Variants in SIPA1L1 observed in about 807,000 individuals in gnomAD.
SIPA1L1 encodes signal induced proliferation associated 1 like 1, also known as signal-induced proliferation-associated 1-like protein 1.
Under a neutral mutation model 162.7 loss-of-function variants are expected in SIPA1L1, and 26 were observed. The observed-to-expected ratio is 0.16, with a 90% CI of 0.12 to 0.22. The LOEUF (loss-of-function observed/expected upper bound fraction) is 0.22. Among genes scored for constraint, SIPA1L1 ranks in the 10% least tolerant of loss-of-function variants. The pLI is 1.00. For missense variants in SIPA1L1, 1,874 were observed against 2,241.0 expected (o/e 0.84, Z 3.31); for synonymous variants, 829 against 837.4 (o/e 0.99, Z 0.17).
At chr14:71,349,528 A>G (rs780742083) in intron 2 of SIPA1L1, among the ~76,000 whole-genome samples, 2 of 152,160 alleles carry the variant, frequency 1.3e-5, no homozygotes, top group Non-Finnish European at 2.9e-5. Flanking sequence ...TGTTTTCCCT[A>G]AAGAAAGGAA....
chr14:71,490,043 G>A (rs915806147), intron 2 of SIPA1L1, among the ~76,000 whole-genome samples: 5 of 152,210 alleles, frequency 3.3e-5, no homozygotes, highest in African/African-American at 1.2e-4. Flanking sequence ...AAACAGATAT[G>A]TTAATAGGGT....
In SIPA1L1 at chr14:71,434,781, A is replaced by G. The variant is rs181456886; in HGVS notation, c.-464-77962A>G. 2.2e-3 allele frequency among the ~76,000 whole-genome samples: 330 copies of G among 152,050 alleles called. 1 individual carries two copies. Among genetic ancestry groups the G allele is most frequent in the African/African-American group, 2.5e-3 (105 of 41,470 alleles). On this transcript the variant is annotated intron_variant, in intron 2 of 23. Coordinates refer to ENST00000381232, the MANE Select transcript of SIPA1L1 (RefSeq NM_001386936.1). ...TTTTGTAAAGTCAGAGTCTCTCCCT[A>G]TGTTGTCCAGGCTGGTCTTAAACTC... is the stretch of plus-strand genomic sequence containing the variant.
chr14:71,626,308 G>A (rs1341265427), intron 7 of SIPA1L1, among the ~76,000 whole-genome samples: 2 of 152,114 alleles, frequency 1.3e-5, no homozygotes, highest in African/African-American at 4.8e-5. Flanking sequence ...CTAGACAGTG[G>A]AATCTAGAGG....
In SIPA1L1 at chr14:71,658,427, C is replaced by A; in HGVS notation, c.2088C>A (p.Asn696Lys). 3 of 1,576,408 alleles carry A rather than the reference C, an allele frequency of 1.9e-6. No homozygotes were observed. The highest frequency in any genetic ancestry group is 1.1e-5 in the South Asian group (1 of 90,240). ...CCATGCTGCCATACACACCCAACAACAAACAACAGGTAAGAGATCCTCCTG... is the reference window on the plus strand; with the variant it reads ...CCATGCTGCCATACACACCCAACAAAAAACAACAGGTAAGAGATCCTCCTG... ...VSTMLPYTPN[N>K]KQQLLRKRHI... The change falls in exon 9 of 24, where the codon AAC (asparagine) becomes AAA (lysine). Residue 696 changes from asparagine (N) to lysine (K), a missense_variant. This residue lies in a region of SIPA1L1 where 243 missense variants were observed against 315.0 expected (regional missense o/e 0.77). Coordinates refer to ENST00000381232, the MANE Select transcript of SIPA1L1 (RefSeq NM_001386936.1).
At chr14:71,335,161 G>A (rs1476107536) in intron 2 of SIPA1L1, among the ~76,000 whole-genome samples, 2 of 152,134 alleles carry the variant, frequency 1.3e-5, no homozygotes, top group Non-Finnish European at 2.9e-5. Context: ...TTAGCCGGGC[G>A]TGGTAGTGGG....
chr14:71,450,846 G>T (rs1205199480), intron 2 of SIPA1L1, among the ~76,000 whole-genome samples: 1 of 152,134 alleles, frequency 6.6e-6, no homozygotes, highest in Non-Finnish European at 1.5e-5. Context: ...CAATATGGAG[G>T]TTCCTTAAAT....
chr14:71,579,361 T>G (rs1242338272), intron 4 of SIPA1L1, among the ~76,000 whole-genome samples: 1 of 152,222 alleles, frequency 6.6e-6, no homozygotes, highest in Non-Finnish European at 1.5e-5. Flanking sequence ...TATTTTTTAG[T>G]GTATTTATTG....
chr14:71,507,724 C>T (rs762376211), intron 2 of SIPA1L1, among the ~76,000 whole-genome samples: 7 of 152,098 alleles, frequency 4.6e-5, no homozygotes, highest in Non-Finnish European at 1.0e-4. Flanking sequence ...TCATTATTGC[C>T]ATTTCCTTTT....
At position 71,320,489 on chromosome 14, in the gene SIPA1L1, G is replaced by A. The variant is rs949540518; in HGVS notation, c.-539G>A. 2 of 152,356 alleles carry A rather than the reference G, an allele frequency of 1.3e-5. No individual in the cohort carries two copies. Among genetic ancestry groups the A allele is most frequent in the African/African-American group, 4.8e-5 (2 of 41,462 alleles). 9.4% of individuals were successfully genotyped at this position (152,356 alleles called of 1,614,324 possible). A position where few individuals can be genotyped will look rare whatever the true frequency, so the allele number is the denominator to read the frequency against. On this transcript the variant is annotated 5_prime_UTR_variant, in exon 1 of 24. Coordinates refer to ENST00000381232, the MANE Select transcript of SIPA1L1 (RefSeq NM_001386936.1). ...GTGAGCGAGTTCAGTGCGTGCGTGA[G>A]CGAGTGAGCGAAAAGTCAGTGCAGC...
At chr14:71,610,277 T>A (rs1169710771) in intron 5 of SIPA1L1, among the ~76,000 whole-genome samples, 1 of 152,238 alleles carries the variant, frequency 6.6e-6, no homozygotes, top group Non-Finnish European at 1.5e-5. Context: ...CCCTAATTTC[T>A]GTTCCTAGCC....
intron 2 of SIPA1L1, among the ~76,000 whole-genome samples, chr14:71,498,545 A>G (rs2049962771): frequency 6.6e-6 from 1 of 152,200 alleles, no homozygotes; most frequent in Admixed American, 6.5e-5. Flanking sequence ...TGCTCCTCCA[A>G]ACTGGGGGCC....
At chr14:71,624,673 A>G (rs2039793981) in intron 7 of SIPA1L1, among the ~76,000 whole-genome samples, 1 of 152,148 alleles carries the variant, frequency 6.6e-6, no homozygotes, top group Admixed American at 6.5e-5. Flanking sequence ...GAAAGGTACT[A>G]TTATTATTCA....
chr14:71,323,729 C>T (rs1349163133), intron 2 of SIPA1L1, among the ~76,000 whole-genome samples: 1 of 151,926 alleles, frequency 6.6e-6, no homozygotes, highest in Non-Finnish European at 1.5e-5. Flanking sequence ...TATTCCTAAC[C>T]TTTTGAGTGG....
chr14:71,362,958 G>C (rs1405636973), intron 2 of SIPA1L1, among the ~76,000 whole-genome samples: 2 of 152,190 alleles, frequency 1.3e-5, no homozygotes, highest in African/African-American at 4.8e-5. Context: ...TATTAGCTGA[G>C]GTGTTAGTGG....
chr14:71,672,899 C>G (rs193296044), intron 12 of SIPA1L1, among the ~76,000 whole-genome samples: 1 of 152,308 alleles, frequency 6.6e-6, no homozygotes, highest in East Asian at 1.9e-4. Context: ...CTGGTAATAT[C>G]TATCTTAAGA....
chr14:71,441,761 C>T (rs957876082), intron 2 of SIPA1L1, among the ~76,000 whole-genome samples: 2 of 152,078 alleles, frequency 1.3e-5, no homozygotes, highest in African/African-American at 4.8e-5. Flanking sequence ...TCTCTTAGTT[C>T]CGTAGGTTTT....
At chr14:71,653,396 T>C (rs1188491054) in intron 8 of SIPA1L1, among the ~76,000 whole-genome samples, 1 of 152,190 alleles carries the variant, frequency 6.6e-6, no homozygotes, top group Non-Finnish European at 1.5e-5. Context: ...ACTGTCCAAC[T>C]CAAGACTCAA....
At chr14:71,496,012 G>A (rs1207046521) in intron 2 of SIPA1L1, among the ~76,000 whole-genome samples, 2 of 146,760 alleles carry the variant, frequency 1.4e-5, no homozygotes, top group African/African-American at 5.0e-5. Context: ...TGAGACTGCT[G>A]TAGTTAGCCA....
rs1490864203 is a variant in SIPA1L1 at position 71,587,907 on chromosome 14, C to G, written c.35C>G (p.Pro12Arg). The G allele has an allele frequency of 6.2e-7, 1 of 1,612,068 alleles. No homozygotes were observed. Among genetic ancestry groups the G allele is most frequent in the Non-Finnish European group, 8.5e-7 (1 of 1,178,252 alleles). Reference sequence around the variant, plus strand: ...TTGAAACGGTCACAGACAGAAAGGCCTCTTGCCACTGACAGGGCCTCTGTT... The same window carrying G: ...TTGAAACGGTCACAGACAGAAAGGCGTCTTGCCACTGACAGGGCCTCTGTT... ...TSLKRSQTER[P>R]LATDRASVVG... The change falls in exon 5 of 24, where the codon CCT (proline) becomes CGT (arginine). Residue 12 changes from proline to arginine, a missense_variant. Around this residue, in one of 5 missense-constraint regions of SIPA1L1, gnomAD observed 685 missense variants for 828.0 expected, o/e 0.83. Transcript: ENST00000381232.
Sources: gnomAD v4.1 joint callset for allele counts (sites outside exome capture counted in the v4.1 genomes callset) on GRCh38, gnomAD v4.1.1 for gene constraint, gnomAD v4.1.1 regional missense constraint, MANE v1.5 for transcripts, NCBI Gene and HGNC (gene_info 2026-07-23, HGNC 2026-07-21) for gene names.